The following SGCZ variants were observed in gnomAD, a reference collection of about 807,000 sequenced individuals.
The protein encoded by SGCZ is zeta-sarcoglycan.
SGCZ carries 40 observed loss-of-function variants against 41.3 expected under a neutral mutation model. The observed-to-expected ratio is 0.97, with a 90% CI of 0.75 to 1.26. The LOEUF (loss-of-function observed/expected upper bound fraction) is 1.26. Ranked by LOEUF, SGCZ falls within the 50% of genes most tolerant of loss-of-function variation. The pLI, the probability that SGCZ is intolerant of heterozygous loss-of-function variation, is 0.00. For synonymous variants in SGCZ, 206 were observed against 137.5 expected (o/e 1.50, Z -3.49); for missense variants, 552 against 369.8 (o/e 1.49, Z -4.04).
chr8:14,150,461 T>G (rs1463588189), intron 5 of SGCZ, among the ~76,000 whole-genome samples: 1 of 152,120 alleles, frequency 6.6e-6, no homozygotes, highest in Admixed American at 6.6e-5. Context: ...AAATCAAATC[T>G]ACAAGGAGAT....
chr8:14,666,975 A>G (rs1269840848), intron 1 of SGCZ, among the ~76,000 whole-genome samples: 1 of 152,132 alleles, frequency 6.6e-6, no homozygotes, highest in Non-Finnish European at 1.5e-5. Flanking sequence ...ATATATTTAT[A>G]TAGTACTAAG....
intron 1 of SGCZ, among the ~76,000 whole-genome samples, chr8:14,761,303 T>C (rs1178507721): frequency 6.6e-6 from 1 of 152,020 alleles, no homozygotes; most frequent in African/African-American, 2.4e-5. Context: ...TCCCAGTTGA[T>C]ATGTCATATT....
intron 1 of SGCZ, among the ~76,000 whole-genome samples, chr8:14,997,291 G>A (rs1486026492): frequency 2.0e-5 from 3 of 152,134 alleles, no homozygotes; most frequent in Admixed American, 6.5e-5. Flanking sequence ...TCTTTGCTAT[G>A]AAACATTATT....
At chr8:14,677,492 C>A (rs1398395634) in intron 1 of SGCZ, among the ~76,000 whole-genome samples, 1 of 152,070 alleles carries the variant, frequency 6.6e-6, no homozygotes, top group African/African-American at 2.4e-5. Flanking sequence ...TCTATATGGG[C>A]CGGGCGGGGT....
At chr8:14,960,977 A>G (rs1279137558) in intron 1 of SGCZ, among the ~76,000 whole-genome samples, 1 of 151,550 alleles carries the variant, frequency 6.6e-6, no homozygotes, top group Non-Finnish European at 1.5e-5. Flanking sequence ...ACTCAAGCAG[A>G]AATCACAAAG....
intron 3 of SGCZ, among the ~76,000 whole-genome samples, chr8:14,257,324 G>A (rs1585288330): frequency 6.6e-6 from 1 of 151,084 alleles, no homozygotes; most frequent in East Asian, 1.9e-4. Context: ...TCCAGCCTGG[G>A]CAATGGAGTG....
At chr8:14,286,379 A>G (rs186026917) in intron 3 of SGCZ, among the ~76,000 whole-genome samples, 114 of 152,202 alleles carry the variant, frequency 7.5e-4, no homozygotes, top group African/African-American at 2.6e-3. Flanking sequence ...TCCAATTACA[A>G]TTCTAATTAG....
intron 2 of SGCZ, among the ~76,000 whole-genome samples, chr8:14,533,725 T>C (rs563980803): frequency 4.6e-5 from 7 of 152,164 alleles, no homozygotes; most frequent in Admixed American, 2.6e-4. Flanking sequence ...CTGTAATTCA[T>C]GGCAGATGAT....
intron 1 of SGCZ, among the ~76,000 whole-genome samples, chr8:15,097,467 G>C (rs1029888175): frequency 1.3e-5 from 2 of 151,980 alleles, no homozygotes; most frequent in African/African-American, 4.8e-5. Flanking sequence ...CCCATTGCTA[G>C]GATGGGCATG....
chr8:14,861,907 A>C (rs1803762381), intron 1 of SGCZ, among the ~76,000 whole-genome samples: 1 of 152,164 alleles, frequency 6.6e-6, no homozygotes, highest in South Asian at 2.1e-4. Context: ...AAATACATGT[A>C]ATACTAACTG....
At chr8:14,650,148 T>A (rs1384393002) in intron 1 of SGCZ, among the ~76,000 whole-genome samples, 1 of 152,066 alleles carries the variant, frequency 6.6e-6, no homozygotes, top group Non-Finnish European at 1.5e-5. Flanking sequence ...TGTTTTTGTT[T>A]GTTTTGTTCT....
intron 5 of SGCZ, among the ~76,000 whole-genome samples, chr8:14,119,640 T>G (rs1190621495): frequency 6.6e-6 from 1 of 152,200 alleles, no homozygotes; most frequent in Non-Finnish European, 1.5e-5. Flanking sequence ...TTATGCCAGT[T>G]TTTGAAGGGA....
chr8:14,648,088 AG>A (rs201916077), intron 1 of SGCZ, among the ~76,000 whole-genome samples: 1,588 of 152,108 alleles, frequency 0.01, 25 homozygotes, highest in African/African-American at 0.037. Flanking sequence ...TGACCTAAGC[AG>A]GCAAAAACTC....
chr8:14,244,389 A>G (rs1047341255), intron 3 of SGCZ, among the ~76,000 whole-genome samples: 9 of 152,160 alleles, frequency 5.9e-5, no homozygotes, highest in African/African-American at 2.2e-4. Flanking sequence ...CAAGGCAGCT[A>G]CGTCATTCCT....
rs191793945 is a variant in SGCZ, at chr8:14,132,221, T to G, written c.548-23986A>C. Among the ~76,000 whole-genome samples the G allele has an allele frequency of 1.0e-3, 154 of 152,330 alleles. No homozygotes were observed. In the East Asian group the frequency reaches 0.02, roughly 20 times the overall value. ...TTGCTATTTTTTTCTTCTACCTGCT[T>G]AAATCTGCTACTGAGCTTGGCTAGT... On this transcript the variant is annotated intron_variant, in intron 5 of 7. Coordinates refer to ENST00000382080, the MANE Select transcript of SGCZ (RefSeq NM_139167.4).
intron 1 of SGCZ, among the ~76,000 whole-genome samples, chr8:14,619,591 A>C (rs1806217615): frequency 1.3e-5 from 2 of 152,208 alleles, no homozygotes; most frequent in Admixed American, 1.3e-4. Flanking sequence ...ACTTCAGCAA[A>C]GTCTCAGGAT....
intron 1 of SGCZ, among the ~76,000 whole-genome samples, chr8:14,773,329 A>G (rs1445853309): frequency 6.6e-6 from 1 of 152,166 alleles, no homozygotes; most frequent in Non-Finnish European, 1.5e-5. Context: ...TCCCTTCATA[A>G]GTTCTCAAAT....
chr8:15,075,179 T>C (rs1805487233), intron 1 of SGCZ, among the ~76,000 whole-genome samples: 1 of 151,944 alleles, frequency 6.6e-6, no homozygotes. Context: ...TGCAAAAGTA[T>C]CTTGTTATTT....
chr8:14,651,079 G>A (rs569826469), intron 1 of SGCZ, among the ~76,000 whole-genome samples: 1 of 152,014 alleles, frequency 6.6e-6, no homozygotes, highest in Non-Finnish European at 1.5e-5. Context: ...ATAATTAGCA[G>A]CTATGTATCA....
Sources: gnomAD v4.1 joint callset for allele counts (sites outside exome capture counted in the v4.1 genomes callset) on GRCh38, gnomAD v4.1.1 for gene constraint, MANE v1.5 for transcripts, NCBI Gene and HGNC (gene_info 2026-07-23, HGNC 2026-07-21) for gene names.